The following NXN variants were observed in gnomAD, a reference collection of about 807,000 sequenced individuals.
The protein encoded by NXN is nucleoredoxin 1.
NXN carries 16 observed loss-of-function variants against 48.6 expected under a neutral mutation model. The observed-to-expected ratio is 0.33, with a 90% CI of 0.22 to 0.50. The LOEUF (loss-of-function observed/expected upper bound fraction) is 0.50. Ranked by LOEUF, NXN falls within the 20% of genes least tolerant of loss-of-function variation. The pLI is 0.98. For missense variants in NXN, 492 were observed against 605.5 expected, an observed-to-expected ratio of 0.81 and a Z score of 1.97; for synonymous variants, 281 against 269.6, an observed-to-expected ratio of 1.04 and a Z score of -0.41.
intron 1 of NXN, among the ~76,000 whole-genome samples, chr17:946,881 G>A (rs2069050026): frequency 6.6e-6 from 1 of 152,238 alleles, no homozygotes; most frequent in Non-Finnish European, 1.5e-5. Context: ...CCCTGGCACG[G>A]GGAGGTTGCA....
At chr17:890,491 A>G (rs556291440) in intron 1 of NXN, among the ~76,000 whole-genome samples, 1 of 151,870 alleles carries the variant, frequency 6.6e-6, no homozygotes, top group South Asian at 2.1e-4. Context: ...CTCCTGCCTC[A>G]GCCTCCCCAG....
intron 1 of NXN, among the ~76,000 whole-genome samples, chr17:902,962 G>T (rs1462982428): frequency 6.6e-6 from 1 of 151,536 alleles, no homozygotes; most frequent in East Asian, 2.0e-4. Flanking sequence ...GTAGAGATGG[G>T]CTTTCTCCAT....
chr17:933,097 GA>G (rs1483351588), intron 1 of NXN, among the ~76,000 whole-genome samples: 2 of 152,138 alleles, frequency 1.3e-5, no homozygotes, highest in Non-Finnish European at 2.9e-5. Flanking sequence ...CTGGGGCCAC[GA>G]GGACCGAGAA....
chr17:946,686 G>C (rs2069047552), intron 1 of NXN, among the ~76,000 whole-genome samples: 1 of 152,200 alleles, frequency 6.6e-6, no homozygotes, highest in Non-Finnish European at 1.5e-5. Flanking sequence ...CAGGGAAAAA[G>C]AATCGGCTCT....
intron 1 of NXN, among the ~76,000 whole-genome samples, chr17:854,218 CG>C (rs1438509871): frequency 6.6e-6 from 1 of 152,154 alleles, no homozygotes; most frequent in Non-Finnish European, 1.5e-5. Context: ...CGCTTCCCAC[CG>C]TACTCGCTCT....
intron 1 of NXN, among the ~76,000 whole-genome samples, chr17:972,171 ATG>A (rs1466736132): frequency 2.0e-5 from 3 of 151,774 alleles, no homozygotes; most frequent in South Asian, 2.1e-4. Context: ...GTGGTGGCAC[ATG>A]CGCCTATAAT....
chr17:951,231 G>A (rs1318821578), intron 1 of NXN, among the ~76,000 whole-genome samples: 1 of 135,874 alleles, frequency 7.4e-6, no homozygotes, highest in Non-Finnish European at 1.6e-5. Flanking sequence ...GCGCCTGTAA[G>A]CCCAGCTACT....
At chr17:908,470 A>G (rs1156334668) in intron 1 of NXN, among the ~76,000 whole-genome samples, 2 of 152,148 alleles carry the variant, frequency 1.3e-5, no homozygotes, top group African/African-American at 4.8e-5. Flanking sequence ...TGGGAGGTGG[A>G]TGTTGCAGTG....
intron 5 of NXN, among the ~76,000 whole-genome samples, chr17:818,052 A>G (rs1912580697): frequency 6.6e-6 from 1 of 152,096 alleles, no homozygotes; most frequent in African/African-American, 2.4e-5. Context: ...TGAGCCCATG[A>G]GTTCGAGACC....
chr17:926,544 T>TTTG (rs2068801516), intron 1 of NXN, among the ~76,000 whole-genome samples: 1 of 86,872 alleles, frequency 1.2e-5, no homozygotes, highest in Non-Finnish European at 2.9e-5. Flanking sequence ...GTTTTTTTTT[T>TTTG]GTTTTTTTGT....
intron 1 of NXN, among the ~76,000 whole-genome samples, chr17:874,840 C>G (rs1246819228): frequency 1.3e-5 from 2 of 152,210 alleles, no homozygotes; most frequent in Non-Finnish European, 2.9e-5. Flanking sequence ...CACTACTGCA[C>G]ACTCCTCCAT....
Position 830,283 on chromosome 17 carries a change from C to A in NXN, c.361-4205G>T, listed in dbSNP as rs955722695. 3.9e-5 allele frequency among the ~76,000 whole-genome samples: 6 copies of A among 152,168 alleles called. No homozygotes were observed. The highest frequency in any genetic ancestry group is 1.4e-4 in the African/African-American group (6 of 41,438). Reference sequence around the variant, plus strand: ...CAGTTAAGAGCAGATGAGGCTGCTACCCTCGTGGGGCTCCTCCTCCAGTGG... The same window carrying A: ...CAGTTAAGAGCAGATGAGGCTGCTAACCTCGTGGGGCTCCTCCTCCAGTGG... On this transcript the variant is annotated intron_variant, in intron 1 of 7. Coordinates refer to ENST00000336868, the MANE Select transcript of NXN (RefSeq NM_022463.5). The surrounding 1 kb of genome is among the most constrained non-coding windows in gnomAD (Gnocchi z 4.2).
chr17:801,570 T>C (rs966456745), intron 7 of NXN, among the ~76,000 whole-genome samples: 1 of 149,204 alleles, frequency 6.7e-6, no homozygotes, highest in African/African-American at 2.5e-5. Context: ...CTCAGCCTCC[T>C]GAGTAGCTGG....
chr17:959,133 G>T, intron 1 of NXN: 1 of 457,470 alleles, frequency 2.2e-6, no homozygotes, highest in Non-Finnish European at 3.6e-6. Context: ...CTGGGGCCCA[G>T]CAACAAGAGC....
chr17:882,393 G>A (rs1354793097), intron 1 of NXN, among the ~76,000 whole-genome samples: 2 of 152,208 alleles, frequency 1.3e-5, no homozygotes, highest in Admixed American at 6.5e-5. Context: ...TTCCTAGACA[G>A]CTCCTGAATG....
At chr17:846,193 C>T (rs1412902632) in intron 1 of NXN, among the ~76,000 whole-genome samples, 1 of 151,766 alleles carries the variant, frequency 6.6e-6, no homozygotes. Context: ...CTTTGGGAGG[C>T]CAAGGCAGGT....
intron 5 of NXN, among the ~76,000 whole-genome samples, chr17:810,523 C>T (rs543846682): frequency 1.3e-5 from 2 of 152,168 alleles, no homozygotes; most frequent in African/African-American, 4.8e-5. Context: ...CAACCAATGC[C>T]CAGAATCTGT....
At chr17:926,693 G>A (rs192591074) in intron 1 of NXN, among the ~76,000 whole-genome samples, 1 of 151,446 alleles carries the variant, frequency 6.6e-6, no homozygotes, top group Admixed American at 6.6e-5. Context: ...CCACAGGCGT[G>A]CACCACCACG....
chr17:924,600 C>A (rs1237906124), intron 1 of NXN, among the ~76,000 whole-genome samples: 1 of 152,196 alleles, frequency 6.6e-6, no homozygotes, highest in Non-Finnish European at 1.5e-5. Context: ...CAAGTGTGTT[C>A]CGGTGGACCG....
Sources: gnomAD v4.1 joint callset for allele counts (sites outside exome capture counted in the v4.1 genomes callset) on GRCh38, gnomAD v4.1.1 for gene constraint, Gnocchi (gnomAD v3.1) non-coding constraint, MANE v1.5 for transcripts, NCBI Gene and HGNC (gene_info 2026-07-23, HGNC 2026-07-21) for gene names.